Variants in SLC4A8 observed in about 807,000 individuals in gnomAD.
The protein encoded by SLC4A8 is electroneutral sodium bicarbonate exchanger 1.
A neutral mutation model predicts 125.0 loss-of-function variants in SLC4A8; 40 were observed. The ratio of observed to expected loss-of-function variants is 0.32; its 90% CI spans 0.25 to 0.42. The LOEUF is 0.42. Ranked by LOEUF, SLC4A8 falls within the 10% of genes least tolerant of loss-of-function variation. SLC4A8 has a pLI of 1.00. For missense variants in SLC4A8, 863 were observed against 1,355.1 expected, an observed-to-expected ratio of 0.64 and a Z score of 5.70; for synonymous variants, 456 against 476.0, an observed-to-expected ratio of 0.96 and a Z score of 0.55.
intron 2 of SLC4A8, 107 bp from the exon 3 acceptor site, chr12:51,450,769 A>T (rs753635148): frequency 1.6e-4 from 200 of 1,234,368 alleles, no homozygotes; most frequent in Non-Finnish European, 2.2e-4. Context: ...CTGTGACCAG[A>T]CCAAAGAACT....
Position 51,514,011 on chromosome 12 carries a change from C to G in SLC4A8, c.*6573C>G, listed in dbSNP as rs536848879. On this transcript the variant is annotated 3_prime_UTR_variant, in exon 25 of 25. Coordinates refer to ENST00000453097, the MANE Select transcript of SLC4A8 (RefSeq NM_001039960.3). ...CATCTTCTCTGTTTATTTCAATGTC[C>G]ATGTTCTGAGTCTCAAGTTTTCCTG... The G allele has an allele frequency of 6.6e-6, 1 of 152,398 alleles. No individual in the cohort carries two copies. The highest frequency in any genetic ancestry group is 2.1e-4 in the South Asian group (1 of 4,826). 9.4% of individuals were successfully genotyped at this position (152,398 alleles called of 1,614,324 possible). A position where few individuals can be genotyped will look rare whatever the true frequency, so the allele number is the denominator to read the frequency against.
intron 2 of SLC4A8, among the ~76,000 whole-genome samples, chr12:51,448,077 T>C (rs945018105): frequency 1.1e-4 from 17 of 152,210 alleles, no homozygotes; most frequent in African/African-American, 4.1e-4. Flanking sequence ...AGGTCTTTCA[T>C]TTTATTTTCC....
At chr12:51,486,152 C>T (rs1951156583) in intron 17 of SLC4A8, among the ~76,000 whole-genome samples, 1 of 151,978 alleles carries the variant, frequency 6.6e-6, no homozygotes, top group Non-Finnish European at 1.5e-5. Context: ...TTATTAATAC[C>T]ACTTACTGTT....
Position 51,488,593 on chromosome 12 carries a change from C to A in SLC4A8, c.2287-106C>A, listed in dbSNP as rs1412786873. On this transcript the variant is annotated intron_variant, in intron 17 of 24. Transcript: ENST00000453097. ...TGCCTTTTTTTTTTTTTTTTAAGAA[C>A]CTCACTCAAGAATAAAAAGAAATAT... The A allele has an allele frequency of 3.9e-5, 29 of 752,080 alleles. No homozygotes were observed. In the East Asian group the frequency reaches 5.8e-4, roughly 15 times the overall value. 46.6% of individuals were successfully genotyped at this position (752,080 alleles called of 1,614,324 possible). A position where few individuals can be genotyped will look rare whatever the true frequency, so the allele number is the denominator to read the frequency against.
chr12:51,445,054 T>G (rs1368976208), intron 2 of SLC4A8, among the ~76,000 whole-genome samples: 1 of 152,210 alleles, frequency 6.6e-6, no homozygotes, highest in Non-Finnish European at 1.5e-5. Flanking sequence ...ATTGAAGAAC[T>G]GAAAGTCACC....
rs1565772495 is a variant in SLC4A8, at chr12:51,433,884, G to GTTTTTTT, written c.49-6821_49-6815dup. Among the ~76,000 whole-genome samples, 21 of 72,188 alleles carry GTTTTTTT rather than the reference G, an allele frequency of 2.9e-4. 1 individual carries two copies. Among genetic ancestry groups the GTTTTTTT allele is most frequent in the East Asian group, 3.7e-4 (1 of 2,698 alleles). 47.4% of individuals were successfully genotyped at this position (72,188 alleles called of 152,430 possible). ...TTTTTTTTTTTTTTTTTTTTGGTTG[G>GTTTTTTT]TTTTTTTTTGAGACAGGGTCTTTCT... On this transcript the variant is annotated intron_variant, in intron 1 of 24. Transcript: ENST00000453097.
At chr12:51,420,746 C>T (rs1038569009), upstream of SLC4A8, among the ~76,000 whole-genome samples, 5 of 152,132 alleles carry the variant, frequency 3.3e-5, no homozygotes, top group African/African-American at 1.2e-4. Flanking sequence ...AGAGTGGAGC[C>T]TATGAAAGTT....
chr12:51,457,807 G>A (rs1950202422), intron 6 of SLC4A8, among the ~76,000 whole-genome samples: 2 of 152,158 alleles, frequency 1.3e-5, no homozygotes, highest in South Asian at 4.2e-4. Flanking sequence ...GCTTTTGAGA[G>A]ATAGCCACAT....
rs201525260 is a variant in SLC4A8 at position 51,495,048 on chromosome 12, T to C, written c.2873T>C (p.Ile958Thr). ...CGCAAAGTGCACCTCTTCACCCTCATCCAGTTGACCTGTCTCGTCCTGCTC... is the reference window on the plus strand; with the variant it reads ...CGCAAAGTGCACCTCTTCACCCTCACCCAGTTGACCTGTCTCGTCCTGCTC... ...PLRKVHLFTL[I>T]QLTCLVLLWV... The change falls in exon 21 of 25, where the codon ATC (isoleucine) becomes ACC (threonine). Residue 958 changes from isoleucine (I) to threonine (T), a missense_variant. By Grantham distance (89) the Ile-to-Thr change is moderately conservative. This residue lies in a region of SLC4A8 where 197 missense variants were observed against 377.7 expected (regional missense o/e 0.52). Transcript: ENST00000453097. 6.2e-7 allele frequency: 1 copy of C among 1,614,210 alleles called. No homozygotes were observed. Among genetic ancestry groups the C allele is most frequent in the African/African-American group, 1.3e-5 (1 of 75,074 alleles).
At chr12:51,483,874 G>A (rs1233609312) in intron 16 of SLC4A8, among the ~76,000 whole-genome samples, 2 of 151,986 alleles carry the variant, frequency 1.3e-5, no homozygotes, top group Non-Finnish European at 2.9e-5. Context: ...ATCTCCTAAT[G>A]TTATCCCTCC....
chr12:51,444,446 G>A (rs1482695439), intron 2 of SLC4A8, among the ~76,000 whole-genome samples: 2 of 152,092 alleles, frequency 1.3e-5, no homozygotes, highest in African/African-American at 4.8e-5. Flanking sequence ...CAGGCATTGC[G>A]ATTGGCTAAT....
In SLC4A8 at chr12:51,511,817, G is replaced by T. The variant is rs1478409978; in HGVS notation, c.*4379G>T. ...CTTTTTCAGGCAGTATTCCAATCAG[G>T]GTTTTACGACACCAGGGTATCCCAC... On this transcript the variant is annotated 3_prime_UTR_variant, in exon 25 of 25. Coordinates refer to ENST00000453097, the MANE Select transcript of SLC4A8 (RefSeq NM_001039960.3). The T allele has an allele frequency of 1.3e-5, 2 of 152,178 alleles. No individual in the cohort carries two copies. Among genetic ancestry groups the T allele is most frequent in the East Asian group, 3.8e-4 (2 of 5,204 alleles). The allele number at this position is 152,178 out of a possible 1,614,324, so 9.4% of individuals were successfully genotyped here.
At chr12:51,433,075 G>C (rs1431749129) in intron 1 of SLC4A8, among the ~76,000 whole-genome samples, 1 of 152,166 alleles carries the variant, frequency 6.6e-6, no homozygotes, top group Non-Finnish European at 1.5e-5. Context: ...TGTAGCCTCT[G>C]TGGCTGCTTC....
intron 22 of SLC4A8, 125 bp downstream of exon 22, chr12:51,497,249 C>T: frequency 9.7e-7 from 1 of 1,036,026 alleles, no homozygotes; most frequent in Non-Finnish European, 1.4e-6. Flanking sequence ...AAGATTACCC[C>T]CAAAGATGTT....
intron 4 of SLC4A8, among the ~76,000 whole-genome samples, chr12:51,452,548 T>C (rs566316017): frequency 6.6e-6 from 1 of 152,324 alleles, no homozygotes; most frequent in Admixed American, 6.5e-5. Context: ...ATGGGCTATC[T>C]TGGTATTATT....
intron 17 of SLC4A8, among the ~76,000 whole-genome samples, chr12:51,486,753 A>G (rs1038977489): frequency 2.0e-5 from 3 of 152,226 alleles, no homozygotes; most frequent in Admixed American, 2.0e-4. Context: ...TGCTCCCTTC[A>G]GTTGTCCCTT....
chr12:51,424,070 AAAAAAAC>A (rs1565762321), upstream of SLC4A8, among the ~76,000 whole-genome samples: 391 of 140,146 alleles, frequency 2.8e-3, 5 homozygotes, highest in African/African-American at 0.01. Flanking sequence ...AAACAACAAA[AAAAAAAC>A]AAAAAAAACC....
chr12:51,422,274 T>C (rs1948805675), upstream of SLC4A8: 1 of 152,246 alleles, frequency 6.6e-6, no homozygotes, highest in Admixed American at 6.5e-5. Flanking sequence ...AAGTTTTCCC[T>C]AAAGCCTTCA....
rs551001475 is a variant in SLC4A8, at chr12:51,407,003, C to T, written c.-112+15515C>T. Among the ~76,000 whole-genome samples the T allele has an allele frequency of 2.0e-4, 31 of 152,260 alleles. No homozygotes were observed. In the South Asian group the frequency reaches 5.0e-3, roughly 24 times the overall value. On this transcript the variant is annotated intron_variant, in intron 1 of 24. Transcript: ENST00000358657. ...GGCTGCTATAACAAAATACCTGAGA[C>T]GGGATAATTGATAAACAACAGAAAT...
Sources: allele counts gnomAD v4.1 joint callset (sites outside exome capture counted in the v4.1 genomes callset), GRCh38; gene constraint gnomAD v4.1.1; regional missense constraint gnomAD v4.1.1; transcripts MANE v1.5; gene names NCBI Gene and HGNC (gene_info 2026-07-23, HGNC 2026-07-21).